Variants in FAM193A observed in about 807,000 individuals in gnomAD.
The protein encoded by FAM193A is protein FAM193A.
A neutral mutation model predicts 126.5 loss-of-function variants in FAM193A; 22 were observed. That is an observed-to-expected ratio of 0.17 (90% CI 0.12 to 0.25). The LOEUF is 0.25. FAM193A is among the 10% of genes least tolerant of loss of function. The probability of loss-of-function intolerance (pLI) is 1.00; values close to 1 mark genes in which losing one functional copy is unlikely to be tolerated. For missense variants in FAM193A, 1,675 were observed against 1,672.8 expected (o/e 1.00, Z -0.02); for synonymous variants, 761 against 646.8 (o/e 1.18, Z -2.68).
intron 5 of FAM193A, among the ~76,000 whole-genome samples, chr4:2,638,565 T>C (rs558885062): frequency 6.6e-6 from 1 of 152,352 alleles, no homozygotes; most frequent in South Asian, 2.1e-4. Context: ...AGGTTTTAGA[T>C]TTTCTGCAGA....
intron 1 of FAM193A, among the ~76,000 whole-genome samples, 152 bp downstream of exon 1, chr4:2,537,322 C>T (rs922881153): frequency 6.6e-6 from 1 of 152,248 alleles, no homozygotes; most frequent in Admixed American, 6.5e-5. Flanking sequence ...CTGCGCTTGC[C>T]GAGGTCCCGG....
chr4:2,729,406 G>A (rs1236464652), intron 20 of FAM193A, among the ~76,000 whole-genome samples: 1 of 152,208 alleles, frequency 6.6e-6, no homozygotes, highest in African/African-American at 2.4e-5. Flanking sequence ...AGGCCCTGAA[G>A]TATGCCAACA....
chr4:2,598,290 A>G (rs540169384), intron 2 of FAM193A, among the ~76,000 whole-genome samples: 2 of 152,304 alleles, frequency 1.3e-5, no homozygotes, highest in African/African-American at 4.8e-5. Flanking sequence ...AAAATGTTGC[A>G]TGCATCCGTA....
chr4:2,724,819 G>A (rs1049978083), intron 20 of FAM193A, among the ~76,000 whole-genome samples: 6 of 152,162 alleles, frequency 3.9e-5, no homozygotes, highest in Non-Finnish European at 5.9e-5. Flanking sequence ...AGTGCATATC[G>A]TTATCAAGGG....
intron 7 of FAM193A, among the ~76,000 whole-genome samples, chr4:2,651,902 G>C (rs114990432): frequency 5.1e-4 from 77 of 152,278 alleles, no homozygotes; most frequent in African/African-American, 1.8e-3. Context: ...TCCAGACCCC[G>C]TGTAGATGTG....
At chr4:2,693,463 G>T in intron 15 of FAM193A, 123 bp from the exon 16 acceptor site, 2 of 905,824 alleles carry the variant, frequency 2.2e-6, no homozygotes, top group Non-Finnish European at 3.5e-6. Context: ...CAGAATATTA[G>T]GTCGTGAAGA....
At chr4:2,635,308 G>C (rs1196909680) in intron 5 of FAM193A, among the ~76,000 whole-genome samples, 2 of 152,092 alleles carry the variant, frequency 1.3e-5, no homozygotes, top group Non-Finnish European at 2.9e-5. Flanking sequence ...TTTGGACTTA[G>C]GCCCCTTTAT....
At chr4:2,687,022 G>A (rs1225431148) in intron 13 of FAM193A, among the ~76,000 whole-genome samples, 1 of 152,022 alleles carries the variant, frequency 6.6e-6, no homozygotes, top group Non-Finnish European at 1.5e-5. Context: ...TGTATCCTGG[G>A]TGGCCCGTCT....
chr4:2,570,586 C>T (rs377101940), intron 1 of FAM193A, among the ~76,000 whole-genome samples: 2 of 152,176 alleles, frequency 1.3e-5, no homozygotes, highest in African/African-American at 4.8e-5. Flanking sequence ...GCCCTCTAGC[C>T]TGCTCTCTTG....
At chr4:2,719,804 C>T (rs902236980) in intron 20 of FAM193A, among the ~76,000 whole-genome samples, 22 of 139,276 alleles carry the variant, frequency 1.6e-4, no homozygotes, top group African/African-American at 5.6e-4. Flanking sequence ...CCCTTCCTTC[C>T]TTCTGACAGG....
chr4:2,579,490 G>A (rs1739798637), intron 1 of FAM193A, among the ~76,000 whole-genome samples: 1 of 152,086 alleles, frequency 6.6e-6, no homozygotes, highest in Non-Finnish European at 1.5e-5. Context: ...TTAAACCCAG[G>A]CGTTGGAGAC....
intron 20 of FAM193A, among the ~76,000 whole-genome samples, chr4:2,727,560 A>G (rs1277614226): frequency 6.6e-6 from 1 of 152,222 alleles, no homozygotes; most frequent in African/African-American, 2.4e-5. Flanking sequence ...ACTAATAGGA[A>G]TTAATTTGAA....
chr4:2,552,114 C>A (rs1297969631), intron 1 of FAM193A, among the ~76,000 whole-genome samples: 1 of 151,110 alleles, frequency 6.6e-6, no homozygotes, highest in East Asian at 2.0e-4. Flanking sequence ...TGGGTTTACG[C>A]CATTCTCCTG....
chr4:2,625,220 A>G (rs1375503005), intron 2 of FAM193A, 42 bp from the exon 3 acceptor site: 1 of 646,562 alleles, frequency 1.5e-6, no homozygotes, highest in South Asian at 1.6e-5. Flanking sequence ...TGCCGTGAAC[A>G]TTTTAACATA....
chr4:2,625,660 A>C, intron 3 of FAM193A: 1 of 217,256 alleles, frequency 4.6e-6, no homozygotes, highest in Non-Finnish European at 9.1e-6. Flanking sequence ...GAGAGGAGCG[A>C]TGGGGGAGAG....
intron 1 of FAM193A, among the ~76,000 whole-genome samples, chr4:2,590,854 C>T (rs891904273): frequency 1.7e-4 from 26 of 150,984 alleles, no homozygotes; most frequent in African/African-American, 4.7e-4. Flanking sequence ...GGTGAAACCC[C>T]GTCTCTACTA....
At chr4:2,685,460 A>G (rs757631989) in intron 13 of FAM193A, among the ~76,000 whole-genome samples, 8 of 152,248 alleles carry the variant, frequency 5.3e-5, no homozygotes, top group Non-Finnish European at 1.2e-4. Context: ...TGGGGATCAC[A>G]TTGTGATCTT....
chr4:2,541,240 G>A (rs1737214767), intron 1 of FAM193A, among the ~76,000 whole-genome samples: 1 of 151,910 alleles, frequency 6.6e-6, no homozygotes, highest in African/African-American at 2.4e-5. Flanking sequence ...GCTGAGGCAG[G>A]AGAATTGCTT....
At chr4:2,557,626 G>A (rs908070871) in intron 1 of FAM193A, among the ~76,000 whole-genome samples, 2 of 152,084 alleles carry the variant, frequency 1.3e-5, no homozygotes, top group African/African-American at 4.8e-5. Flanking sequence ...TAGTATGGTA[G>A]TAATTTCATG....
Sources: gnomAD v4.1 joint callset for allele counts (sites outside exome capture counted in the v4.1 genomes callset) on GRCh38, gnomAD v4.1.1 for gene constraint, MANE v1.5 for transcripts, NCBI Gene and HGNC (gene_info 2026-07-23, HGNC 2026-07-21) for gene names.